Variants in C12orf50 observed in about 807,000 individuals in gnomAD.
The protein encoded by C12orf50 is zinc finger CCCH-type containing 11D.
Under a neutral mutation model 61.6 loss-of-function variants are expected in C12orf50, and 35 were observed. The ratio of observed to expected loss-of-function variants is 0.57; its 90% confidence interval spans 0.43 to 0.75. The LOEUF (loss-of-function observed/expected upper bound fraction) is 0.75, where lower values mean the gene tolerates loss of function less well. Ranked by LOEUF, C12orf50 falls within the 30% of genes least tolerant of loss-of-function variation. C12orf50 has a pLI of 0.00. For synonymous variants in C12orf50, 178 were observed against 161.5 expected, an observed-to-expected ratio of 1.10 and a Z score of -0.77; for missense variants, 475 against 488.5, an observed-to-expected ratio of 0.97 and a Z score of 0.26.
intron 7 of C12orf50, among the ~76,000 whole-genome samples, chr12:87,994,210 TAAA>T (rs1488395509): frequency 6.6e-6 from 1 of 151,752 alleles, no homozygotes; most frequent in Non-Finnish European, 1.5e-5. Flanking sequence ...CATAAATAAA[TAAA>T]TAAATAAATA....
chr12:88,027,847 G>T (rs2032763002), intron 1 of C12orf50: 2 of 152,114 alleles, frequency 1.3e-5, no homozygotes, highest in Non-Finnish European at 2.9e-5. Context: ...TTCCATGGTT[G>T]TTCTTTATCT....
intron 1 of C12orf50, among the ~76,000 whole-genome samples, chr12:88,028,118 G>A (rs1182649318): frequency 6.6e-6 from 1 of 152,154 alleles, no homozygotes; most frequent in East Asian, 1.9e-4. Context: ...ATAAGGTATT[G>A]TGAGCTATTA....
chr12:87,986,878 A>T (rs1457662562), intron 9 of C12orf50, among the ~76,000 whole-genome samples: 2 of 152,150 alleles, frequency 1.3e-5, no homozygotes, highest in African/African-American at 4.8e-5. Flanking sequence ...AAGCTCTTAA[A>T]TTGGGTGTAC....
intron 6 of C12orf50, among the ~76,000 whole-genome samples, chr12:87,995,864 T>A (rs2031363264): frequency 6.6e-6 from 1 of 152,094 alleles, no homozygotes; most frequent in Admixed American, 6.5e-5. Flanking sequence ...CCACAGTAAA[T>A]CAGATTCTCC....
chr12:88,021,889 T>C (rs1385011853), intron 3 of C12orf50, among the ~76,000 whole-genome samples: 1 of 152,118 alleles, frequency 6.6e-6, no homozygotes, highest in East Asian at 1.9e-4. Flanking sequence ...CCAGATAGAT[T>C]CATAGCCGAG....
intron 12 of C12orf50, among the ~76,000 whole-genome samples, chr12:87,981,872 C>T (rs1327596404): frequency 6.6e-6 from 1 of 152,088 alleles, no homozygotes; most frequent in African/African-American, 2.4e-5. Flanking sequence ...CAAAAAATTT[C>T]TCTTCAAAGC....
chr12:88,028,497 C>T (rs2032787030), intron 1 of C12orf50, among the ~76,000 whole-genome samples: 1 of 152,066 alleles, frequency 6.6e-6, no homozygotes, highest in Non-Finnish European at 1.5e-5. Flanking sequence ...CAGTTTTTCC[C>T]ATTTAACTTT....
chr12:88,010,579 A>G (rs1488413170), intron 3 of C12orf50, among the ~76,000 whole-genome samples: 1 of 151,388 alleles, frequency 6.6e-6, no homozygotes, highest in Non-Finnish European at 1.5e-5. Context: ...TTTTAAAGCC[A>G]ATATTGATAA....
chr12:88,011,870 C>A (rs894414228), intron 3 of C12orf50, among the ~76,000 whole-genome samples: 1 of 152,096 alleles, frequency 6.6e-6, no homozygotes, highest in Non-Finnish European at 1.5e-5. Flanking sequence ...TCCCTTAAAT[C>A]AAATTGAGTT....
At chr12:88,027,161 A>C (rs181931907) in intron 1 of C12orf50, 91 bp from the exon 2 acceptor site, 1 of 1,281,814 alleles carries the variant, frequency 7.8e-7, no homozygotes, top group East Asian at 2.6e-5. Flanking sequence ...ACGAAATATG[A>C]GTAGATTACA....
At chr12:87,985,521 G>A (rs867961895) in intron 11 of C12orf50, 4 of 282,278 alleles carry the variant, frequency 1.4e-5, no homozygotes, top group African/African-American at 8.7e-5. Context: ...AATGCAGTTA[G>A]TGGAACAAGA....
At chr12:88,012,399 A>G (rs2032145656) in intron 3 of C12orf50, among the ~76,000 whole-genome samples, 1 of 152,236 alleles carries the variant, frequency 6.6e-6, no homozygotes, top group Admixed American at 6.5e-5. Flanking sequence ...TTTTGTATAA[A>G]CGAATTATTT....
intron 8 of C12orf50, among the ~76,000 whole-genome samples, chr12:87,988,198 G>GT (rs1220021301): frequency 6.6e-6 from 1 of 152,034 alleles, no homozygotes; most frequent in Admixed American, 6.6e-5. Context: ...TTTTCAATAT[G>GT]TAAATAAAAA....
intron 3 of C12orf50, among the ~76,000 whole-genome samples, chr12:88,000,980 CTT>C (rs539648449): frequency 1.0e-3 from 156 of 151,930 alleles, no homozygotes; most frequent in Middle Eastern, 3.4e-3. Context: ...TAATGTTGCT[CTT>C]TCTTTCCAAT....
At chr12:88,006,809 A>T (rs1465954344) in intron 3 of C12orf50, among the ~76,000 whole-genome samples, 1 of 152,206 alleles carries the variant, frequency 6.6e-6, no homozygotes, top group Non-Finnish European at 1.5e-5. Flanking sequence ...TGGAAGCTGG[A>T]CGTAGAAAGA....
intron 11 of C12orf50, chr12:87,984,259 T>C (rs2030682521): frequency 6.6e-6 from 1 of 152,204 alleles, no homozygotes. Flanking sequence ...CTTGTAAATT[T>C]GTTGGAGTTC....
At chr12:88,006,411 C>G (rs921941551) in intron 3 of C12orf50, among the ~76,000 whole-genome samples, 1 of 152,214 alleles carries the variant, frequency 6.6e-6, no homozygotes, top group African/African-American at 2.4e-5. Context: ...ATTCAGTTCT[C>G]TTTCCGAGAG....
At position 87,998,327 on chromosome 12, in the gene C12orf50, G is replaced by A. The variant is rs1224100354; in HGVS notation, c.134-137C>T. 5 of 575,306 alleles carry A rather than the reference G, an allele frequency of 8.7e-6. No individual in the cohort carries two copies. In the East Asian group the frequency reaches 1.6e-4, roughly 18 times the overall value. The allele number at this position is 575,306 out of a possible 1,614,324, so 35.6% of individuals were successfully genotyped here. ...CAATAATAATACATTAATGGATTGT[G>A]TTTCTACACACTAGCAATGATTAAA... On this transcript the variant is annotated intron_variant, in intron 3 of 12. Transcript: ENST00000298699.
intron 3 of C12orf50, among the ~76,000 whole-genome samples, chr12:88,024,362 A>G (rs1005727388): frequency 3.9e-5 from 6 of 152,232 alleles, no homozygotes; most frequent in Admixed American, 2.0e-4. Flanking sequence ...ACAATAGCAA[A>G]GACATGAAAT....
Sources: allele counts gnomAD v4.1 joint callset (sites outside exome capture counted in the v4.1 genomes callset), GRCh38; gene constraint gnomAD v4.1.1; transcripts MANE v1.5; gene names NCBI Gene and HGNC (gene_info 2026-07-23, HGNC 2026-07-21).